Variants in VAMP4 observed in about 807,000 individuals in gnomAD.
VAMP4 encodes vesicle associated membrane protein 4.
A neutral mutation model predicts 23.5 loss-of-function variants in VAMP4; 19 were observed. That is an observed-to-expected ratio of 0.81 (90% CI 0.56 to 1.19). The LOEUF is 1.19. Ranked by LOEUF, VAMP4 falls within the 50% of genes most tolerant of loss-of-function variation. The pLI is 0.00. For synonymous variants in VAMP4, 31 were observed against 51.0 expected (o/e 0.61, Z 1.67); for missense variants, 145 against 168.6 (o/e 0.86, Z 0.78).
rs1354872891 is a variant in VAMP4 at position 171,710,747 on chromosome 1, CT to C, written c.231del (p.Glu79ArgfsTer3). On this transcript the variant is annotated frameshift_variant, in exon 5 of 8. Coordinates refer to ENST00000236192, the MANE Select transcript of VAMP4 (RefSeq NM_003762.5). LOFTEE classifies it high-confidence loss of function. The part of the protein sequence containing the change: ...MQENITKVIE[R>X]GERLDELQDK... ...TCCTGTAGTTCATCTAGTCTCTCCC[CT>C]CTCTCAATTACCTTTGTAATATTTT... is the stretch of plus-strand genomic sequence containing the variant. The C allele has an allele frequency of 6.2e-7, 1 of 1,609,508 alleles. No individual in the cohort carries two copies. Among genetic ancestry groups the C allele is most frequent in the East Asian group, 2.2e-5 (1 of 44,628 alleles).
At chr1:171,706,290 A>G (rs1654648985) in intron 7 of VAMP4, 77 bp downstream of exon 7, 1 of 1,398,468 alleles carries the variant, frequency 7.2e-7, no homozygotes. Context: ...TACTAGGTCA[A>G]CTGAAAATAA....
intron 2 of VAMP4, among the ~76,000 whole-genome samples, chr1:171,734,130 T>A (rs1051461580): frequency 3.3e-5 from 5 of 151,744 alleles, no homozygotes; most frequent in African/African-American, 1.2e-4. Flanking sequence ...TAGCTGGGCG[T>A]GGTGGTGTAC....
At chr1:171,739,369 C>T (rs1423300087) in intron 1 of VAMP4, among the ~76,000 whole-genome samples, 2 of 152,246 alleles carry the variant, frequency 1.3e-5, no homozygotes, top group South Asian at 2.1e-4. Flanking sequence ...CGGTGGCACA[C>T]CTGGAGAGGG....
chr1:171,736,502 T>C (rs1043527479), intron 2 of VAMP4, among the ~76,000 whole-genome samples: 1 of 152,154 alleles, frequency 6.6e-6, no homozygotes, highest in Non-Finnish European at 1.5e-5. Flanking sequence ...TGGTTGAAAC[T>C]GCACCAAATG....
At chr1:171,708,472 G>A (rs1357557781) in intron 6 of VAMP4, among the ~76,000 whole-genome samples, 1 of 151,702 alleles carries the variant, frequency 6.6e-6, no homozygotes, top group Non-Finnish European at 1.5e-5. Flanking sequence ...TTCCACTTCT[G>A]AAAGTAGGAC....
At chr1:171,721,346 G>A (rs975370011) in intron 3 of VAMP4, among the ~76,000 whole-genome samples, 4 of 152,044 alleles carry the variant, frequency 2.6e-5, no homozygotes, top group Non-Finnish European at 5.9e-5. Context: ...AAACATAGAC[G>A]AGGAGGAAAT....
intron 2 of VAMP4, among the ~76,000 whole-genome samples, chr1:171,734,119 T>C (rs1655651456): frequency 2.6e-5 from 4 of 151,788 alleles, no homozygotes; most frequent in Admixed American, 2.6e-4. Flanking sequence ...AATACAAAAA[T>C]TAGCTGGGCG....
chr1:171,720,582 T>C (rs1655160392), intron 3 of VAMP4, among the ~76,000 whole-genome samples: 1 of 152,010 alleles, frequency 6.6e-6, no homozygotes. Context: ...TTATATAAGA[T>C]TTATTAACAG....
rs1558102899 is a variant in VAMP4, at chr1:171,702,057, TC to T, written c.*2448del. The T allele has an allele frequency of 2.0e-5, 3 of 152,074 alleles. No individual in the cohort carries two copies. The highest frequency in any genetic ancestry group is 1.3e-4 in the Admixed American group (2 of 15,262). The allele number at this position is 152,074 out of a possible 1,614,324, so 9.4% of individuals were successfully genotyped here. ...TGATAGTTTTGATGGTGGTAAAACT[TC>T]ATTTTTCAAGTGCAGGATGATCTGA... On this transcript the variant is annotated 3_prime_UTR_variant, in exon 8 of 8. Transcript: ENST00000236192.
intron 4 of VAMP4, among the ~76,000 whole-genome samples, chr1:171,715,373 G>GT (rs776063055): frequency 6.6e-6 from 1 of 152,160 alleles, no homozygotes; most frequent in Non-Finnish European, 1.5e-5. Context: ...GACGGCACCT[G>GT]TATTTCTGAA....
intron 3 of VAMP4, 72 bp from the exon 4 acceptor site, chr1:171,719,293 G>A: frequency 1.5e-6 from 2 of 1,316,080 alleles, no homozygotes; most frequent in Non-Finnish European, 2.1e-6. Context: ...AAGATAGAAA[G>A]TATACACAAA....
At chr1:171,735,511 G>A (rs1047851191) in intron 2 of VAMP4, among the ~76,000 whole-genome samples, 1 of 152,154 alleles carries the variant, frequency 6.6e-6, no homozygotes, top group Non-Finnish European at 1.5e-5. Flanking sequence ...TCTCTGTCCA[G>A]GACTGAGGTA....
intron 2 of VAMP4, among the ~76,000 whole-genome samples, chr1:171,735,586 T>C (rs996119055): frequency 4.6e-5 from 7 of 152,228 alleles, no homozygotes; most frequent in African/African-American, 1.2e-4. Context: ...TCTTCCAGGA[T>C]ATTAATGCTT....
intron 3 of VAMP4, 94 bp downstream of exon 3, chr1:171,728,430 C>T (rs116540511): frequency 0.025 from 26,166 of 1,049,642 alleles, 414 homozygotes; most frequent in Middle Eastern, 0.036. Flanking sequence ...AGGGAGACTA[C>T]TGCATATCTG....
intron 4 of VAMP4, among the ~76,000 whole-genome samples, chr1:171,718,634 C>A (rs777527301): frequency 1.3e-5 from 2 of 152,020 alleles, no homozygotes; most frequent in Non-Finnish European, 2.9e-5. Flanking sequence ...TGAAAAAATT[C>A]TGGAAGTAGA....
chr1:171,709,720 G>A lies in VAMP4; in HGVS notation c.290C>T (p.Ala97Val), dbSNP rs746888610. ...KSESLSDNAT[A>V]FSNRSKQLRR... ...AAGTTGTTTGGATCTGTTGCTAAAA[G>A]CTGTTGCATTATCCGATAAGCTTTC... The change falls in exon 6 of 8, where the codon GCT becomes GTT. Residue 97 changes from alanine (A) to valine (V), a missense_variant. By Grantham distance (64) the Ala-to-Val change is moderately conservative (BLOSUM62 0). Transcript: ENST00000236192. 1.9e-6 allele frequency: 3 copies of A among 1,613,012 alleles called. No homozygotes were observed. Among genetic ancestry groups the A allele is most frequent in the Non-Finnish European group, 2.5e-6 (3 of 1,179,288 alleles).
chr1:171,707,326 T>C (rs1654690519), intron 6 of VAMP4, among the ~76,000 whole-genome samples: 1 of 152,202 alleles, frequency 6.6e-6, no homozygotes, highest in African/African-American at 2.4e-5. Flanking sequence ...TAAAATACTT[T>C]TGATAGGTTT....
rs1654412730 is a variant in VAMP4 at position 171,700,985 on chromosome 1, A to C, written c.*3521T>G. 2 of 152,308 alleles carry C rather than the reference A, an allele frequency of 1.3e-5. No individual in the cohort carries two copies. The highest frequency in any genetic ancestry group is 4.1e-4 in the South Asian group (2 of 4,828). 9.4% of individuals were successfully genotyped at this position (152,308 alleles called of 1,614,324 possible). On this transcript the variant is annotated 3_prime_UTR_variant, in exon 8 of 8. Coordinates refer to ENST00000236192, the MANE Select transcript of VAMP4 (RefSeq NM_003762.5). ...AATTCTACTTGGTTTCCAGAAGAAA[A>C]AAAAAATCAGAATAAGACTATCTCA...
intron 2 of VAMP4, among the ~76,000 whole-genome samples, chr1:171,731,857 G>A (rs1254253801): frequency 6.6e-6 from 1 of 152,130 alleles, no homozygotes; most frequent in Non-Finnish European, 1.5e-5. Context: ...GCAATATAAA[G>A]AGGAATTTTA....
Sources: gnomAD v4.1 joint callset for allele counts (sites outside exome capture counted in the v4.1 genomes callset) on GRCh38, gnomAD v4.1.1 for gene constraint, MANE v1.5 for transcripts, NCBI Gene and HGNC (gene_info 2026-07-23, HGNC 2026-07-21) for gene names.